The following GRIK2 variants were observed in gnomAD, a reference collection of about 807,000 sequenced individuals.
GRIK2 encodes the protein glutamate receptor ionotropic, kainate 2.
A neutral mutation model predicts 100.3 loss-of-function variants in GRIK2; 32 were observed. The observed-to-expected ratio is 0.32, with a 90% CI of 0.24 to 0.43. GRIK2 has a LOEUF of 0.43. Ranked by LOEUF, GRIK2 falls within the 20% of genes least tolerant of loss-of-function variation. The probability of loss-of-function intolerance (pLI) is 1.00; values close to 1 mark genes in which losing one functional copy is unlikely to be tolerated. For missense variants in GRIK2, 843 were observed against 1,114.9 expected, an observed-to-expected ratio of 0.76 and a Z score of 3.47; for synonymous variants, 417 against 389.4, an observed-to-expected ratio of 1.07 and a Z score of -0.83.
At chr6:101,650,517 T>G (rs1046855319) in intron 4 of GRIK2, among the ~76,000 whole-genome samples, 1 of 152,130 alleles carries the variant, frequency 6.6e-6, no homozygotes, top group Admixed American at 6.6e-5. Flanking sequence ...AAACAGCTGA[T>G]GCAGGGAGTG....
At chr6:101,907,884 A>T (rs902353178) in intron 12 of GRIK2, among the ~76,000 whole-genome samples, 3 of 151,572 alleles carry the variant, frequency 2.0e-5, no homozygotes, top group African/African-American at 7.3e-5. Flanking sequence ...TTAAGACATT[A>T]AGTAGACACT....
In GRIK2 at chr6:101,860,539, G is replaced by A. The variant is rs945270431; in HGVS notation, c.1524+1046G>A. ...GTTTTCAGCCCTATGGCATCAAAAA[G>A]TGAAGCACAGGACATGAAAATCCTT... is the stretch of plus-strand genomic sequence containing the variant. On this transcript the variant is annotated intron_variant, in intron 11 of 16. Coordinates refer to ENST00000369134, the MANE Select transcript of GRIK2 (RefSeq NM_021956.5). Among the ~76,000 whole-genome samples the A allele has an allele frequency of 3.9e-5, 6 of 152,256 alleles. No individual in the cohort carries two copies. The South Asian group carries it at 1.0e-3, about 26-fold the overall frequency.
At chr6:101,893,872 A>G (rs1008962275) in intron 12 of GRIK2, among the ~76,000 whole-genome samples, 1 of 151,726 alleles carries the variant, frequency 6.6e-6, no homozygotes, top group Middle Eastern at 3.2e-3. Flanking sequence ...ATATCTGGCA[A>G]TATATATCTA....
intron 2 of GRIK2, among the ~76,000 whole-genome samples, chr6:101,613,379 C>T (rs1424315426): frequency 2.6e-5 from 4 of 151,600 alleles, no homozygotes; most frequent in Non-Finnish European, 4.4e-5. Flanking sequence ...GACCTAAAGG[C>T]AGAAGGTAAA....
chr6:101,815,098 G>A (rs796696230), intron 9 of GRIK2, among the ~76,000 whole-genome samples: 5 of 152,182 alleles, frequency 3.3e-5, no homozygotes, highest in African/African-American at 1.2e-4. Flanking sequence ...TAGGATCCTG[G>A]CAGTCAAATA....
At chr6:101,505,068 T>G (rs1348259046) in intron 2 of GRIK2, among the ~76,000 whole-genome samples, 9 of 152,022 alleles carry the variant, frequency 5.9e-5, no homozygotes, top group Non-Finnish European at 1.2e-4. Context: ...TTGTTTTTTT[T>G]TTTGTCGTTT....
Position 102,011,577 on chromosome 6 carries a change from CTTTTTTTT to C in GRIK2, c.2086-23747_2086-23740del, listed in dbSNP as rs763369559. Among the ~76,000 whole-genome samples the C allele has an allele frequency of 3.4e-3, 262 of 76,648 alleles. 1 individual carries two copies. The highest frequency in any genetic ancestry group is 0.011 in the African/African-American group (188 of 16,396). 50.3% of individuals were successfully genotyped at this position (76,648 alleles called of 152,430 possible). On this transcript the variant is annotated intron_variant, in intron 14 of 16. Coordinates refer to ENST00000369134, the MANE Select transcript of GRIK2 (RefSeq NM_021956.5). ...ATTTCTTTTTTTTTTCTTTCTTTTC[CTTTTTTTT>C]TTTTTTTTTTTTTTTTGAGGCAGAG...
intron 2 of GRIK2, among the ~76,000 whole-genome samples, chr6:101,435,443 G>A (rs1054023624): frequency 1.1e-4 from 16 of 151,574 alleles, no homozygotes; most frequent in African/African-American, 3.9e-4. Context: ...TTAAAATTGG[G>A]GAATAGCAAC....
chr6:101,955,608 CT>C (rs1562509294), intron 14 of GRIK2, among the ~76,000 whole-genome samples: 20 of 126,486 alleles, frequency 1.6e-4, no homozygotes, highest in African/African-American at 4.0e-4. Flanking sequence ...CTCTCTCTCT[CT>C]CTCTCTCCCC....
intron 7 of GRIK2, among the ~76,000 whole-genome samples, chr6:101,755,981 TG>T (rs1344435530): frequency 3.9e-5 from 6 of 152,184 alleles, no homozygotes; most frequent in African/African-American, 1.4e-4. Context: ...GAATACTTTC[TG>T]TTAAGAGTGG....
At chr6:101,400,682 C>A (rs1321069396) in intron 2 of GRIK2, among the ~76,000 whole-genome samples, 1 of 152,146 alleles carries the variant, frequency 6.6e-6, no homozygotes, top group Non-Finnish European at 1.5e-5. Flanking sequence ...TGTTTTATCC[C>A]CCCAATGATA....
At chr6:101,907,731 T>TC (rs969604408) in intron 12 of GRIK2, among the ~76,000 whole-genome samples, 8 of 151,132 alleles carry the variant, frequency 5.3e-5, no homozygotes, top group African/African-American at 1.9e-4. Context: ...TTTTTATCTT[T>TC]TTTTCTTTCT....
At chr6:102,062,382 A>C (rs1771796653) in intron 16 of GRIK2, among the ~76,000 whole-genome samples, 1 of 150,460 alleles carries the variant, frequency 6.6e-6, no homozygotes, top group African/African-American at 2.4e-5. Context: ...TTAATAAGGC[A>C]GGCTAATATG....
intron 2 of GRIK2, among the ~76,000 whole-genome samples, chr6:101,587,152 C>G (rs1027067595): frequency 6.6e-6 from 1 of 151,610 alleles, no homozygotes; most frequent in South Asian, 2.1e-4. Flanking sequence ...AAAAAATGAA[C>G]AGGCAAAGTT....
intron 2 of GRIK2, among the ~76,000 whole-genome samples, chr6:101,560,999 A>G (rs1352751706): frequency 6.6e-6 from 1 of 152,208 alleles, no homozygotes; most frequent in Admixed American, 6.5e-5. Context: ...TTTATTGGTT[A>G]TTCATTGAGG....
chr6:101,545,889 T>C (rs1204141963), intron 2 of GRIK2, among the ~76,000 whole-genome samples: 3 of 152,162 alleles, frequency 2.0e-5, no homozygotes, highest in African/African-American at 7.2e-5. Context: ...AACTCCTTTC[T>C]CCTATTTCCA....
At position 101,565,355 on chromosome 6, in the gene GRIK2, G is replaced by T. The variant is rs988052743; in HGVS notation, c.116-56594G>T. Reference sequence around the variant, plus strand: ...CCCAACCTTTGTAAAGAAAGTGTTTGGTTCAGTCTTTACCAGTCAGCACAA... The same window carrying T: ...CCCAACCTTTGTAAAGAAAGTGTTTTGTTCAGTCTTTACCAGTCAGCACAA... On this transcript the variant is annotated intron_variant, in intron 2 of 16. Transcript: ENST00000369134. Among the ~76,000 whole-genome samples the T allele has an allele frequency of 2.2e-4, 34 of 151,822 alleles. 2 individuals are homozygous for T. The highest frequency in any genetic ancestry group is 1.4e-3 in the Admixed American group (22 of 15,216).
chr6:101,950,378 C>T (rs1040072965), intron 14 of GRIK2, among the ~76,000 whole-genome samples: 35 of 152,162 alleles, frequency 2.3e-4, no homozygotes, highest in African/African-American at 8.2e-4. Context: ...GAATAAACCT[C>T]TCTCTCTACT....
rs774868812 is a variant in GRIK2 at position 101,909,378 on chromosome 6, T to TTTTTTTTG, written c.1749-15220_1749-15219insTTTTGTTT. Among the ~76,000 whole-genome samples the TTTTTTTTG allele has an allele frequency of 5.1e-4, 61 of 120,386 alleles. 1 individual carries two copies. Among genetic ancestry groups the TTTTTTTTG allele is most frequent in the South Asian group, 1.6e-3 (6 of 3,698 alleles). The allele number at this position is 120,386 out of a possible 152,430, so 79.0% of individuals were successfully genotyped here. A position where few individuals can be genotyped will look rare whatever the true frequency, so the allele number is the denominator to read the frequency against. Reference sequence around the variant, plus strand: ...ATGCTGAAGGAAGATAGGGTTTTCTTTTTCTTTTTTTTTTTTTTAAAGATC... The same window carrying TTTTTTTTG: ...ATGCTGAAGGAAGATAGGGTTTTCTTTTTTTTTGTTTCTTTTTTTTTTTTTTAAAGATC... On this transcript the variant is annotated intron_variant, in intron 12 of 16. Transcript: ENST00000369134.
Sources: allele counts gnomAD v4.1 joint callset (sites outside exome capture counted in the v4.1 genomes callset), GRCh38; gene constraint gnomAD v4.1.1; transcripts MANE v1.5; gene names NCBI Gene and HGNC (gene_info 2026-07-23, HGNC 2026-07-21).